Variants in NKAIN2 observed in about 807,000 individuals in gnomAD.
NKAIN2 encodes sodium/potassium transporting ATPase interacting 2.
Under a neutral mutation model 32.6 loss-of-function variants are expected in NKAIN2, and 14 were observed. The observed-to-expected ratio is 0.43, with a 90% confidence interval of 0.28 to 0.67. NKAIN2 has a LOEUF of 0.67. NKAIN2 is among the 30% of genes least tolerant of loss of function. The probability of loss-of-function intolerance (pLI) is 0.17; values close to 1 mark genes in which losing one functional copy is unlikely to be tolerated. For missense variants in NKAIN2, 198 were observed against 258.3 expected (o/e 0.77, Z 1.60); for synonymous variants, 80 against 87.2 (o/e 0.92, Z 0.46).
intron 3 of NKAIN2, among the ~76,000 whole-genome samples, chr6:124,635,421 C>T (rs1256546308): frequency 6.6e-6 from 1 of 151,794 alleles, no homozygotes; most frequent in Non-Finnish European, 1.5e-5. Flanking sequence ...AAAGAATATA[C>T]AAAACTACCA....
intron 4 of NKAIN2, among the ~76,000 whole-genome samples, chr6:124,775,385 T>C (rs1417507067): frequency 1.3e-5 from 2 of 152,170 alleles, no homozygotes; most frequent in African/African-American, 2.4e-5. Flanking sequence ...TTCGTATTCA[T>C]TGAATTAATG....
At chr6:124,293,311 T>C (rs910796330) in intron 2 of NKAIN2, among the ~76,000 whole-genome samples, 3 of 152,056 alleles carry the variant, frequency 2.0e-5, no homozygotes, top group African/African-American at 7.2e-5. Context: ...GTTTGTAATA[T>C]GTTATTCTTT....
At chr6:124,137,965 A>G (rs1786908097) in intron 1 of NKAIN2, among the ~76,000 whole-genome samples, 1 of 152,176 alleles carries the variant, frequency 6.6e-6, no homozygotes, top group South Asian at 2.1e-4. Flanking sequence ...CAGAGAATTA[A>G]TGACCCAGAG....
intron 4 of NKAIN2, among the ~76,000 whole-genome samples, chr6:124,678,138 T>G (rs1221812907): frequency 1.3e-5 from 2 of 152,160 alleles, no homozygotes; most frequent in Non-Finnish European, 2.9e-5. Context: ...ACTTTCAAAA[T>G]TCTGTCTTCA....
At chr6:124,090,601 T>A (rs1784374251) in intron 1 of NKAIN2, among the ~76,000 whole-genome samples, 1 of 152,018 alleles carries the variant, frequency 6.6e-6, no homozygotes, top group Non-Finnish European at 1.5e-5. Flanking sequence ...AACCTAACCT[T>A]TGTTGTATAT....
chr6:124,326,127 A>C (rs1797400101), intron 2 of NKAIN2, among the ~76,000 whole-genome samples: 1 of 148,202 alleles, frequency 6.7e-6, no homozygotes, highest in South Asian at 2.1e-4. Flanking sequence ...TGTTTATATA[A>C]ATTTTAATTC....
intron 1 of NKAIN2, among the ~76,000 whole-genome samples, chr6:124,039,124 T>A (rs1355851981): frequency 1.3e-5 from 2 of 152,132 alleles, no homozygotes; most frequent in Non-Finnish European, 2.9e-5. Flanking sequence ...GGCACATGCT[T>A]ATTTTACAAA....
intron 1 of NKAIN2, among the ~76,000 whole-genome samples, chr6:124,012,326 T>G (rs999730290): frequency 2.7e-4 from 39 of 143,764 alleles, no homozygotes; most frequent in Non-Finnish European, 4.3e-4. Context: ...CTTCTTTCAC[T>G]CTACATGATT....
Position 124,536,346 on chromosome 6 carries a change from C to T in NKAIN2, c.274-121840C>T, listed in dbSNP as rs539085064. ...GCAAAACTCCTAAAGTAGAAATAAT[C>T]GCCTCCTATGTCCTCCCCAGAACCT... On this transcript the variant is annotated intron_variant, in intron 3 of 6. Transcript: ENST00000368417. 6.6e-5 allele frequency among the ~76,000 whole-genome samples: 10 copies of T among 152,216 alleles called. No individual in the cohort carries two copies. The South Asian group carries it at 1.9e-3, about 28-fold the overall frequency.
intron 1 of NKAIN2, among the ~76,000 whole-genome samples, chr6:124,042,175 A>G (rs985167717): frequency 2.6e-5 from 4 of 152,100 alleles, no homozygotes; most frequent in Admixed American, 1.3e-4. Context: ...TGTTTTTGTT[A>G]AATGAAACTC....
At chr6:124,331,192 A>G (rs896573394) in intron 2 of NKAIN2, among the ~76,000 whole-genome samples, 3 of 151,772 alleles carry the variant, frequency 2.0e-5, no homozygotes, top group Non-Finnish European at 4.4e-5. Flanking sequence ...TTCAATTTAG[A>G]GTTAGGATCT....
intron 1 of NKAIN2, among the ~76,000 whole-genome samples, chr6:124,253,827 TCTA>T (rs1168917176): frequency 2.7e-5 from 4 of 150,876 alleles, no homozygotes; most frequent in African/African-American, 9.8e-5. Flanking sequence ...TGTGCAATGT[TCTA>T]CTTTTTTTTT....
intron 3 of NKAIN2, among the ~76,000 whole-genome samples, chr6:124,540,135 T>G (rs1779858122): frequency 1.3e-5 from 2 of 152,232 alleles, no homozygotes; most frequent in South Asian, 4.1e-4. Flanking sequence ...AAATTAATGA[T>G]GTAGCCATAA....
At chr6:124,665,193 C>G (rs942177722) in intron 4 of NKAIN2, among the ~76,000 whole-genome samples, 1 of 151,866 alleles carries the variant, frequency 6.6e-6, no homozygotes, top group Non-Finnish European at 1.5e-5. Context: ...CACAAAACAC[C>G]AGAATAATCA....
chr6:124,086,635 T>G (rs1029929729), intron 1 of NKAIN2, among the ~76,000 whole-genome samples: 1 of 151,880 alleles, frequency 6.6e-6, no homozygotes, highest in Non-Finnish European at 1.5e-5. Context: ...CTCATGGACA[T>G]TAAAAGGATA....
At chr6:124,588,156 T>A (rs1781776860) in intron 3 of NKAIN2, among the ~76,000 whole-genome samples, 1 of 152,166 alleles carries the variant, frequency 6.6e-6, no homozygotes, top group Non-Finnish European at 1.5e-5. Flanking sequence ...AGGGATCATG[T>A]CTGTTTAATT....
At chr6:123,988,161 G>C (rs1376628626) in intron 1 of NKAIN2, among the ~76,000 whole-genome samples, 3 of 152,154 alleles carry the variant, frequency 2.0e-5, no homozygotes, top group Non-Finnish European at 4.4e-5. Context: ...TAGAAAAAAA[G>C]TATAGAAAGA....
intron 3 of NKAIN2, among the ~76,000 whole-genome samples, chr6:124,624,563 C>A (rs1292886314): frequency 6.6e-6 from 1 of 152,142 alleles, no homozygotes; most frequent in Admixed American, 6.5e-5. Context: ...CAAAAGATAT[C>A]ATAGATAAAC....
At chr6:124,299,372 T>G (rs1325424046) in intron 2 of NKAIN2, among the ~76,000 whole-genome samples, 1 of 152,236 alleles carries the variant, frequency 6.6e-6, no homozygotes, top group African/African-American at 2.4e-5. Context: ...CTCAGGACTT[T>G]TAGAATGTTA....
Sources: allele counts gnomAD v4.1 joint callset (sites outside exome capture counted in the v4.1 genomes callset), GRCh38; gene constraint gnomAD v4.1.1; transcripts MANE v1.5; gene names NCBI Gene and HGNC (gene_info 2026-07-23, HGNC 2026-07-21).